The following MAN2A1 variants were observed in gnomAD, a reference collection of about 807,000 sequenced individuals.
MAN2A1 encodes alpha-mannosidase 2.
In MAN2A1, 76 loss-of-function variants were observed where a neutral mutation model predicts 142.6. That is an observed-to-expected ratio of 0.53 (90% confidence interval 0.44 to 0.65). The LOEUF (loss-of-function observed/expected upper bound fraction) is 0.65, where lower values mean the gene tolerates loss of function less well. Ranked by LOEUF, MAN2A1 falls within the 30% of genes least tolerant of loss-of-function variation. The pLI is 0.00. For synonymous variants in MAN2A1, 559 were observed against 473.2 expected, an observed-to-expected ratio of 1.18 and a Z score of -2.35; for missense variants, 1,311 against 1,365.1, an observed-to-expected ratio of 0.96 and a Z score of 0.62.
chr5:109,802,629 C>A (rs1207298785), intron 12 of MAN2A1, among the ~76,000 whole-genome samples: 4 of 152,090 alleles, frequency 2.6e-5, no homozygotes, highest in Admixed American at 1.3e-4. Context: ...TGTTCTGATT[C>A]CCATCATTTC....
intron 4 of MAN2A1, among the ~76,000 whole-genome samples, chr5:109,733,091 T>G (rs1357610077): frequency 3.3e-5 from 5 of 152,132 alleles, no homozygotes; most frequent in South Asian, 4.1e-4. Context: ...CCCTTGTAAG[T>G]TGGATTCCTA....
chr5:109,787,068 A>T (rs1244402919), intron 10 of MAN2A1, among the ~76,000 whole-genome samples: 1 of 152,072 alleles, frequency 6.6e-6, no homozygotes, highest in Non-Finnish European at 1.5e-5. Flanking sequence ...AATTCTAATC[A>T]TGGCATGAAA....
At chr5:109,834,467 T>C (rs541068426) in intron 16 of MAN2A1, among the ~76,000 whole-genome samples, 1 of 152,240 alleles carries the variant, frequency 6.6e-6, no homozygotes, top group Non-Finnish European at 1.5e-5. Context: ...CAGTTTTGTT[T>C]TATGTTTTTC....
chr5:109,813,247 TG>T (rs1754365860), intron 12 of MAN2A1, among the ~76,000 whole-genome samples: 1 of 152,198 alleles, frequency 6.6e-6, no homozygotes, highest in African/African-American at 2.4e-5. Context: ...AGAGGCTCTC[TG>T]GGGATATTGG....
chr5:109,836,448 G>A (rs1755057734), intron 16 of MAN2A1, among the ~76,000 whole-genome samples: 1 of 152,194 alleles, frequency 6.6e-6, no homozygotes, highest in African/African-American at 2.4e-5. Flanking sequence ...ACACGAGGGA[G>A]CACGCTTTTT....
At position 109,788,921 on chromosome 5, in the gene MAN2A1, T is replaced by G; in HGVS notation, c.1761-13T>G. On this transcript the variant is annotated splice_polypyrimidine_tract_variant and intron_variant, in intron 10 of 21. Coordinates refer to ENST00000261483, the MANE Select transcript of MAN2A1 (RefSeq NM_002372.4). ...AAATTGTTTCTCAGACTAATAAAAT[T>G]TTTGATTTACAGACTTTTTCATTCG... 1 of 1,261,714 alleles carries G rather than the reference T, an allele frequency of 7.9e-7. No homozygotes were observed. The highest frequency in any genetic ancestry group is 1.2e-6 in the Non-Finnish European group (1 of 868,282). 78.2% of individuals were successfully genotyped at this position (1,261,714 alleles called of 1,614,324 possible).
chr5:109,735,878 GTTT>G (rs35796131), intron 4 of MAN2A1, among the ~76,000 whole-genome samples: 2 of 98,406 alleles, frequency 2.0e-5, no homozygotes, highest in East Asian at 3.7e-4. Flanking sequence ...TTCCATTGGA[GTTT>G]TTTTTTTTTT....
At chr5:109,830,740 T>C (rs1229105799) in intron 16 of MAN2A1, among the ~76,000 whole-genome samples, 1 of 152,216 alleles carries the variant, frequency 6.6e-6, no homozygotes, top group Non-Finnish European at 1.5e-5. Context: ...TATCATAATA[T>C]GCAATTGACT....
At chr5:109,792,662 T>C (rs1753764505) in intron 12 of MAN2A1, among the ~76,000 whole-genome samples, 1 of 152,234 alleles carries the variant, frequency 6.6e-6, no homozygotes, top group Non-Finnish European at 1.5e-5. Flanking sequence ...TGCTGGTCAG[T>C]TCTTGCTTGG....
chr5:109,733,262 A>G (rs1026639370), intron 4 of MAN2A1, among the ~76,000 whole-genome samples: 2 of 152,066 alleles, frequency 1.3e-5, no homozygotes, highest in Non-Finnish European at 2.9e-5. Context: ...GAGATTTTGG[A>G]TTGAGACGAT....
Position 109,746,513 on chromosome 5 carries a change from T to C in MAN2A1, c.708-8816T>C, listed in dbSNP as rs78107201. Among the ~76,000 whole-genome samples the C allele has an allele frequency of 6.5e-3, 990 of 151,918 alleles. 17 individuals carry two copies. The highest frequency in any genetic ancestry group is 0.022 in the African/African-American group (926 of 41,426). On this transcript the variant is annotated intron_variant, in intron 4 of 21. Transcript: ENST00000261483. ...ATGTATGGGAAAACATATGCACATG[T>C]ACATAAAGGCATAGGCATATATATT... is the stretch of plus-strand genomic sequence containing the variant.
At chr5:109,831,829 G>T (rs1469363210) in intron 16 of MAN2A1, among the ~76,000 whole-genome samples, 5 of 151,884 alleles carry the variant, frequency 3.3e-5, no homozygotes, top group Non-Finnish European at 5.9e-5. Flanking sequence ...GTGTGTGTGT[G>T]TGTATTTATG....
In MAN2A1 at chr5:109,842,208, T is replaced by G. The variant is rs938378583; in HGVS notation, c.2567-120T>G. The G allele has an allele frequency of 5.1e-6, 3 of 592,310 alleles. No individual in the cohort carries two copies. In the African/African-American group the frequency reaches 5.8e-5, roughly 12 times the overall value. 36.7% of individuals were successfully genotyped at this position (592,310 alleles called of 1,614,324 possible). ...ATAGCATTTATTATATGAGAGATGT[T>G]AAGACAAGAAGTAGAAAACAAGAAA... is the stretch of plus-strand genomic sequence containing the variant. On this transcript the variant is annotated intron_variant, in intron 16 of 21. Transcript: ENST00000261483.
chr5:109,799,144 G>A (rs7710031), intron 12 of MAN2A1, among the ~76,000 whole-genome samples: 57,511 of 152,032 alleles, frequency 0.38, 11,831 homozygotes, highest in African/African-American at 0.55. Context: ...AGTTTAATAC[G>A]GTTATGTGTA....
intron 9 of MAN2A1, among the ~76,000 whole-genome samples, chr5:109,781,822 T>C (rs1753466630): frequency 1.3e-5 from 2 of 152,196 alleles, no homozygotes; most frequent in Admixed American, 1.3e-4. Flanking sequence ...AAAAATAGTT[T>C]ATTTAAATTA....
chr5:109,807,751 A>G (rs1419503529), intron 12 of MAN2A1, among the ~76,000 whole-genome samples: 2 of 152,172 alleles, frequency 1.3e-5, no homozygotes, highest in South Asian at 2.1e-4. Context: ...GGTAGCATTC[A>G]TAGGTTATGG....
intron 3 of MAN2A1, among the ~76,000 whole-genome samples, chr5:109,728,511 T>A (rs1164584178): frequency 2.6e-5 from 4 of 151,848 alleles, no homozygotes; most frequent in African/African-American, 9.7e-5. Context: ...ACGTTTTTGC[T>A]TGGCCGTTTT....
intron 1 of MAN2A1, among the ~76,000 whole-genome samples, chr5:109,695,810 G>A (rs944273546): frequency 6.6e-6 from 1 of 152,208 alleles, no homozygotes; most frequent in Non-Finnish European, 1.5e-5. Context: ...AGGAGAGGAA[G>A]TAGGACATTT....
chr5:109,788,557 T>G (rs1753656116), intron 10 of MAN2A1, among the ~76,000 whole-genome samples: 1 of 151,902 alleles, frequency 6.6e-6, no homozygotes, highest in South Asian at 2.1e-4. Flanking sequence ...TATTCATTGT[T>G]AAAACCCTTG....
Sources: gnomAD v4.1 joint callset for allele counts (sites outside exome capture counted in the v4.1 genomes callset) on GRCh38, gnomAD v4.1.1 for gene constraint, MANE v1.5 for transcripts, NCBI Gene and HGNC (gene_info 2026-07-23, HGNC 2026-07-21) for gene names.